The following GNL2 variants were observed in gnomAD, a reference collection of about 807,000 sequenced individuals.
The protein encoded by GNL2 is nucleolar GTP-binding protein 2.
A neutral mutation model predicts 92.3 loss-of-function variants in GNL2; 51 were observed. The ratio of observed to expected loss-of-function variants is 0.55; its 90% CI spans 0.44 to 0.70. GNL2 has a LOEUF of 0.70. Ranked by LOEUF, GNL2 falls within the 30% of genes least tolerant of loss-of-function variation. The pLI is 0.00. For missense variants in GNL2, 844 were observed against 895.6 expected, an observed-to-expected ratio of 0.94 and a Z score of 0.74; for synonymous variants, 283 against 300.6, an observed-to-expected ratio of 0.94 and a Z score of 0.61.
chr1:37,579,315 AGGGGGGCGG>A, intron 8 of GNL2, among the ~76,000 whole-genome samples: 1 of 152,268 alleles, frequency 6.6e-6, no homozygotes, highest in East Asian at 1.9e-4. Flanking sequence ...TGGGAGGCCG[AGGGGGGCGG>A]ATCACCTGAG....
At chr1:37,583,593 T>G (rs1026059208) in intron 6 of GNL2, among the ~76,000 whole-genome samples, 1 of 152,224 alleles carries the variant, frequency 6.6e-6, no homozygotes, top group African/African-American at 2.4e-5. Context: ...ATGATAAATT[T>G]GGCAGGAAAT....
intron 8 of GNL2, among the ~76,000 whole-genome samples, chr1:37,580,086 G>A (rs1477521154): frequency 6.6e-6 from 1 of 152,108 alleles, no homozygotes; most frequent in East Asian, 1.9e-4. Flanking sequence ...CCCACTTCAA[G>A]ACACACCACT....
intron 1 of GNL2, 149 bp downstream of exon 1, chr1:37,595,610 T>C: frequency 2.8e-6 from 2 of 702,618 alleles, no homozygotes; most frequent in South Asian, 3.4e-5. Flanking sequence ...ATTGCTTTCC[T>C]TTTTCCCTTT....
intron 12 of GNL2, chr1:37,570,993 A>G (rs1643585852): frequency 1.3e-5 from 2 of 152,250 alleles, no homozygotes; most frequent in Non-Finnish European, 2.9e-5. Flanking sequence ...CGGGCAAATC[A>G]CTAAATAAGT....
intron 8 of GNL2, among the ~76,000 whole-genome samples, chr1:37,579,933 C>G (rs998908226): frequency 7.2e-6 from 1 of 138,276 alleles, no homozygotes; most frequent in Non-Finnish European, 1.6e-5. Context: ...AAATATAAAT[C>G]AAGAATTAAA....
rs184271867 is a variant in GNL2, at chr1:37,578,383, G to C, written c.910-1827C>G. 7.2e-4 allele frequency among the ~76,000 whole-genome samples: 108 copies of C among 150,308 alleles called. 1 individual carries two copies. The highest frequency in any genetic ancestry group is 2.3e-3 in the African/African-American group (96 of 40,900). Reference sequence around the variant, plus strand: ...GAACCCAGGAGGCGGAGATTGCAGTGAGCCTAAATCAGGCCACTCCACTCC... The same window carrying C: ...GAACCCAGGAGGCGGAGATTGCAGTCAGCCTAAATCAGGCCACTCCACTCC... On this transcript the variant is annotated intron_variant, in intron 8 of 15. Coordinates refer to ENST00000373062, the MANE Select transcript of GNL2 (RefSeq NM_013285.3).
At chr1:37,586,774 TG>T (rs1440288441) in intron 5 of GNL2, among the ~76,000 whole-genome samples, 1 of 152,210 alleles carries the variant, frequency 6.6e-6, no homozygotes, top group Non-Finnish European at 1.5e-5. Flanking sequence ...TTATTTATTT[TG>T]GGGATGAGGA....
At chr1:37,571,690 G>A (rs1220227627) in intron 12 of GNL2, among the ~76,000 whole-genome samples, 1 of 152,150 alleles carries the variant, frequency 6.6e-6, no homozygotes, top group Non-Finnish European at 1.5e-5. Context: ...GCTGCAACCT[G>A]GTGGTGTCTC....
At chr1:37,587,276 A>C in intron 5 of GNL2, 35 bp downstream of exon 5, 1 of 1,506,638 alleles carries the variant, frequency 6.6e-7, no homozygotes, top group Non-Finnish European at 9.0e-7. Context: ...CAAAAAAAAA[A>C]AAACAAAAAC....
At chr1:37,581,327 C>G in intron 8 of GNL2, 1 of 455,550 alleles carries the variant, frequency 2.2e-6, no homozygotes, top group Non-Finnish European at 4.4e-6. Flanking sequence ...TAGACAAATT[C>G]AAAATGACAG....
chr1:37,582,930 C>T lies in GNL2; in HGVS notation c.643G>A (p.Asp215Asn), dbSNP rs1643795887. 6.2e-7 allele frequency: 1 copy of T among 1,609,468 alleles called. No individual in the cohort carries two copies. The highest frequency in any genetic ancestry group is 8.5e-7 in the Non-Finnish European group (1 of 1,177,648). ...ACTTGAACTACAACATCTGATGAAT[C>T]TATCACCTGAAAATTCAGAAAGGCA... ...RIWGELYKVI[D>N]SSDVVVQVLD... Residue 215 changes from aspartate (D) to asparagine (N), a missense_variant, in exon 7 of 16, where the codon GAT becomes AAT. By Grantham distance (23) the Asp-to-Asn change is conservative. Transcript: ENST00000373062.
intron 12 of GNL2, among the ~76,000 whole-genome samples, chr1:37,572,605 G>C (rs1643610739): frequency 6.6e-6 from 1 of 152,188 alleles, no homozygotes; most frequent in African/African-American, 2.4e-5. Flanking sequence ...TGTGTGGAGA[G>C]GGCATGGAAG....
rs774370676 is a variant in GNL2, at chr1:37,576,535, T to C, written c.931A>G (p.Ile311Val). 1.9e-6 allele frequency: 3 copies of C among 1,613,918 alleles called. No homozygotes were observed. The highest frequency in any genetic ancestry group is 2.5e-6 in the Non-Finnish European group (3 of 1,179,798). ...GGATAGCCAATGAACCCAACACTGA[T>C]CTGTTTCTTGTCAGTGTGCAACTGT... ...FGKLHTDKKQ[I>V]SVGFIGYPNV... is the part of the protein sequence containing the mutation. The change falls in exon 9 of 16, where the codon ATC (isoleucine) becomes GTC (valine). Residue 311 changes from isoleucine (I) to valine (V), a missense_variant. Ile to Val is a conservative substitution (Grantham distance 29). Transcript: ENST00000373062.
At position 37,582,289 on chromosome 1, in the gene GNL2, G is replaced by A. The variant is rs762219408; in HGVS notation, c.843C>T (p.Phe281=). 1 of 1,613,626 alleles carries A rather than the reference G, an allele frequency of 6.2e-7. No homozygotes were observed. Among genetic ancestry groups the A allele is most frequent in the Non-Finnish European group, 8.5e-7 (1 of 1,179,794 alleles). The change falls in exon 8 of 16, where the codon TTC becomes TTT. Residue 281 remains phenylalanine, a synonymous_variant. Coordinates refer to ENST00000373062, the MANE Select transcript of GNL2 (RefSeq NM_013285.3). The stretch of plus-strand genomic sequence containing the variant: ...CAAACGGGTTAGTAAGGCTTGCATG[G>A]AAAGCAAGTGTTGGATAATCCTGGG... ...VLSQDYPTLA[F]HASLTNPFGK...
At chr1:37,580,248 G>A (rs113164773) in intron 8 of GNL2, among the ~76,000 whole-genome samples, 61 of 152,212 alleles carry the variant, frequency 4.0e-4, no homozygotes, top group African/African-American at 1.4e-3. Flanking sequence ...ACAGTGAGCT[G>A]TGGTTGTGCC....
At chr1:37,586,150 T>G (rs574235295) in intron 5 of GNL2, among the ~76,000 whole-genome samples, 1 of 152,300 alleles carries the variant, frequency 6.6e-6, no homozygotes, top group South Asian at 2.1e-4. Context: ...AATATTATAT[T>G]ATTGTTGATT....
chr1:37,591,504 C>CT (rs34721968), intron 3 of GNL2, among the ~76,000 whole-genome samples: 9,241 of 134,958 alleles, frequency 0.068, 472 homozygotes, highest in South Asian at 0.11. Flanking sequence ...TATATTTACT[C>CT]TTTTTTTTTT....
In GNL2 at chr1:37,584,475, A is replaced by AG. The variant is rs757237623; in HGVS notation, c.570-543_570-542insC. On this transcript the variant is annotated intron_variant, in intron 5 of 15. Transcript: ENST00000373062. Reference sequence around the variant, plus strand: ...AAATAATTAATTAAAAAAAAAAAAAAAAGAAGAAGAAAATTCTGACACCTG... The same window carrying AG: ...AAATAATTAATTAAAAAAAAAAAAAAGAAGAAGAAGAAAATTCTGACACCTG... Among the ~76,000 whole-genome samples the AG allele has an allele frequency of 2.4e-3, 323 of 132,114 alleles. 4 individuals are homozygous for AG. The highest frequency in any genetic ancestry group is 4.6e-3 in the Non-Finnish European group (259 of 55,748). The allele number at this position is 132,114 out of a possible 152,430, so 86.7% of individuals were successfully genotyped here.
intron 8 of GNL2, among the ~76,000 whole-genome samples, chr1:37,579,831 G>T (rs1196091726): frequency 6.8e-6 from 1 of 147,122 alleles, no homozygotes; most frequent in Non-Finnish European, 1.5e-5. Flanking sequence ...GGGAGGCGGA[G>T]GCTGCAGTGA....
Sources: gnomAD v4.1 joint callset for allele counts (sites outside exome capture counted in the v4.1 genomes callset) on GRCh38, gnomAD v4.1.1 for gene constraint, MANE v1.5 for transcripts, NCBI Gene and HGNC (gene_info 2026-07-23, HGNC 2026-07-21) for gene names.